NTAN1: variants seen among roughly 807,000 people sequenced by gnomAD.
The protein encoded by NTAN1 is N-terminal asparagine amidase.
In NTAN1, 32 loss-of-function variants were observed where a neutral mutation model predicts 41.9. The observed-to-expected ratio is 0.76, with a 90% CI of 0.58 to 1.03. The LOEUF (loss-of-function observed/expected upper bound fraction) is 1.03. Among genes scored for constraint, NTAN1 ranks in the 50% least tolerant of loss-of-function variants. The pLI is 0.00. For synonymous variants in NTAN1, 140 were observed against 139.5 expected (o/e 1.00, Z -0.03); for missense variants, 377 against 377.5 (o/e 1.00, Z 0.01).
chr16:15,041,684 G>T lies in NTAN1; in HGVS notation c.434-8C>A. On this transcript the variant is annotated splice_polypyrimidine_tract_variant and splice_region_variant and intron_variant, in intron 5 of 9. Transcript: ENST00000287706. ...CTTGCCTGTCAAATTCACCTATGAT[G>T]AGAATTTTAAGACCAGAAGTCAGAA... 1 of 1,602,712 alleles carries T rather than the reference G, an allele frequency of 6.2e-7. No homozygotes were observed. Among genetic ancestry groups the T allele is most frequent in the South Asian group, 1.1e-5 (1 of 90,802 alleles).
In NTAN1 at chr16:15,042,489, C is replaced by T. The variant is rs148451471; in HGVS notation, c.434-813G>A. 2.2e-3 allele frequency among the ~76,000 whole-genome samples: 335 copies of T among 152,174 alleles called. 3 individuals carry two copies. The highest frequency in any genetic ancestry group is 2.4e-3 in the Non-Finnish European group (164 of 68,018). ...ACAGGAATGAGCCACTGCGCCCAGT[C>T]GACAATTTTATATCCTGATTTGCTT... On this transcript the variant is annotated intron_variant, in intron 5 of 9. Coordinates refer to ENST00000287706, the MANE Select transcript of NTAN1 (RefSeq NM_173474.4).
rs141281559 is a variant in NTAN1, at chr16:15,052,625, G to C, written c.81+3266C>G. 5.8e-4 allele frequency among the ~76,000 whole-genome samples: 88 copies of C among 152,312 alleles called. 1 individual carries two copies. The highest frequency in any genetic ancestry group is 2.1e-3 in the African/African-American group (87 of 41,564). On this transcript the variant is annotated intron_variant, in intron 1 of 9. Coordinates refer to ENST00000287706, the MANE Select transcript of NTAN1 (RefSeq NM_173474.4). ...GAGGCGAGATGATCGCTTGAGGTCA[G>C]GAGTTTCAGACCAGCCTGGCCAACA...
At chr16:15,055,346 C>G (rs1302229525) in intron 1 of NTAN1, among the ~76,000 whole-genome samples, 2 of 152,196 alleles carry the variant, frequency 1.3e-5, no homozygotes, top group Non-Finnish European at 2.9e-5. Flanking sequence ...GGCTCTCTCT[C>G]CCGGCTAAAA....
chr16:15,050,668 G>A (rs1203852872), intron 1 of NTAN1, among the ~76,000 whole-genome samples: 1 of 151,822 alleles, frequency 6.6e-6, no homozygotes, highest in Non-Finnish European at 1.5e-5. Flanking sequence ...GGAGGTGGAG[G>A]CTGCAGCGAG....
intron 4 of NTAN1, among the ~76,000 whole-genome samples, chr16:15,046,640 A>G (rs1040319095): frequency 6.9e-6 from 1 of 144,620 alleles, no homozygotes; most frequent in Non-Finnish European, 1.5e-5. Context: ...TGGGAGGATC[A>G]CTTGAGCCCA....
At chr16:15,045,303 G>A (rs2044010910) in intron 4 of NTAN1, 1 of 151,026 alleles carries the variant, frequency 6.6e-6, no homozygotes, top group South Asian at 2.1e-4. Context: ...GTCTCAGGGG[G>A]AAAAAATAAA....
At position 15,037,958 on chromosome 16, in the gene NTAN1, G is replaced by T; in HGVS notation, c.*73C>A. On this transcript the variant is annotated 3_prime_UTR_variant, in exon 10 of 10. Transcript: ENST00000287706. ...TAAGACCCAACAGATGTAGGATCCA[G>T]ATCTGGATTCGTGCCAGCCCCACCA... 9.0e-7 allele frequency: 1 copy of T among 1,111,426 alleles called. No individual in the cohort carries two copies. The highest frequency in any genetic ancestry group is 1.3e-6 in the Non-Finnish European group (1 of 746,878). The allele number at this position is 1,111,426 out of a possible 1,614,324, so 68.8% of individuals were successfully genotyped here. A position where few individuals can be genotyped will look rare whatever the true frequency, so the allele number is the denominator to read the frequency against.
At position 15,047,865 on chromosome 16, in the gene NTAN1, C is replaced by T; in HGVS notation, c.240G>A (p.Leu80=). The change falls in exon 3 of 10, where the codon CTG becomes CTA. Residue 80 remains leucine (L), a synonymous_variant. Transcript: ENST00000287706. Reference sequence around the variant, plus strand: ...CCTCTCTCATCATACCTGTGTGCCTCAGGACCACAATGTGACAAGTAGTGG... The same window carrying T: ...CCTCTCTCATCATACCTGTGTGCCTTAGGACCACAATGTGACAAGTAGTGG... ...DDATTCHIVV[L]RHTGNGATCL... is the part of the protein sequence containing the mutation. 6.2e-7 allele frequency: 1 copy of T among 1,612,678 alleles called. No individual in the cohort carries two copies.
intron 1 of NTAN1, among the ~76,000 whole-genome samples, chr16:15,055,131 C>T (rs1049839442): frequency 5.3e-5 from 8 of 152,140 alleles, no homozygotes; most frequent in Non-Finnish European, 1.2e-4. Flanking sequence ...CTGATTGATT[C>T]CCCTTTAACA....
At chr16:15,039,380 G>A (rs1464722744) in intron 8 of NTAN1, among the ~76,000 whole-genome samples, 1 of 152,268 alleles carries the variant, frequency 6.6e-6, no homozygotes, top group East Asian at 1.9e-4. Context: ...TGGCCTGAAT[G>A]TGATTTCCGT....
chr16:15,044,405 A>G lies in NTAN1; in HGVS notation c.362T>C (p.Leu121Pro). The G allele has an allele frequency of 6.8e-6, 11 of 1,611,684 alleles. No homozygotes were observed. The highest frequency in any genetic ancestry group is 9.3e-6 in the Non-Finnish European group (11 of 1,177,780). ...GAAGCCTCCAACAAGGTGTACTTCC[A>G]GCCTGGCAAAGAGATGAGACGGGTC... ...SFSDHAQCGR[L>P]EVHLVGGFSD... is the part of the protein sequence containing the mutation. Residue 121 changes from leucine to proline, a missense_variant and splice_region_variant, in exon 5 of 10, where the codon CTG (leucine) becomes CCG (proline). By Grantham distance (98) the Leu-to-Pro change is moderately conservative (BLOSUM62 -3). Coordinates refer to ENST00000287706, the MANE Select transcript of NTAN1 (RefSeq NM_173474.4).
chr16:15,041,193 A>C (rs1311123573), intron 6 of NTAN1, 72 bp from the exon 7 acceptor site: 1 of 1,018,564 alleles, frequency 9.8e-7, no homozygotes, highest in South Asian at 1.3e-5. Flanking sequence ...TTGTATAATA[A>C]AGGCGAAGGA....
At chr16:15,039,114 C>T (rs1180880814) in intron 8 of NTAN1, among the ~76,000 whole-genome samples, 1 of 152,220 alleles carries the variant, frequency 6.6e-6, no homozygotes, top group African/African-American at 2.4e-5. Context: ...ACAGTGCCTG[C>T]TGCCCCATCA....
chr16:15,042,280 G>A (rs1483398339), intron 5 of NTAN1, among the ~76,000 whole-genome samples: 4 of 150,708 alleles, frequency 2.7e-5, no homozygotes, highest in Non-Finnish European at 4.4e-5. Flanking sequence ...CCACCTCCCA[G>A]GTTCAAGCGA....
intron 8 of NTAN1, among the ~76,000 whole-genome samples, chr16:15,038,995 A>C (rs1285040860): frequency 6.6e-6 from 1 of 152,186 alleles, no homozygotes; most frequent in East Asian, 1.9e-4. Context: ...CGTGTCCAGT[A>C]AGCCTCAGAG....
At chr16:15,042,769 G>C (rs192047212) in intron 5 of NTAN1, among the ~76,000 whole-genome samples, 43 of 141,172 alleles carry the variant, frequency 3.0e-4, no homozygotes, top group Admixed American at 5.9e-4. Context: ...GTCTCGCTCT[G>C]TCACCCAGGC....
chr16:15,043,057 T>G (rs1224721781), intron 5 of NTAN1, among the ~76,000 whole-genome samples: 2 of 152,124 alleles, frequency 1.3e-5, no homozygotes, highest in Non-Finnish European at 1.5e-5. Flanking sequence ...TGCACCACCA[T>G]GCCTGGCTAA....
chr16:15,054,089 T>C (rs1344377040), intron 1 of NTAN1, among the ~76,000 whole-genome samples: 1 of 152,210 alleles, frequency 6.6e-6, no homozygotes, highest in Non-Finnish European at 1.5e-5. Flanking sequence ...CCGGAGAAAC[T>C]GGCCAGGACA....
At chr16:15,040,336 A>G (rs2043757384) in intron 7 of NTAN1, 5 of 392,400 alleles carry the variant, frequency 1.3e-5, no homozygotes, top group Admixed American at 4.4e-5. Context: ...CCATTCCTTC[A>G]GTCGGACATG....
Sources: gnomAD v4.1 joint callset for allele counts (sites outside exome capture counted in the v4.1 genomes callset) on GRCh38, gnomAD v4.1.1 for gene constraint, MANE v1.5 for transcripts, NCBI Gene and HGNC (gene_info 2026-07-23, HGNC 2026-07-21) for gene names.